The following NOCT variants were observed in gnomAD, a reference collection of about 807,000 sequenced individuals.
NOCT encodes nocturnin.
In NOCT, 18 loss-of-function variants were observed where a neutral mutation model predicts 35.0. The observed-to-expected ratio is 0.51, with a 90% confidence interval of 0.36 to 0.76. The LOEUF is 0.76. NOCT is among the 30% of genes least tolerant of loss of function. NOCT has a pLI of 0.01. For synonymous variants in NOCT, 235 were observed against 226.3 expected (o/e 1.04, Z -0.34); for missense variants, 479 against 541.0 (o/e 0.89, Z 1.14).
rs1726908123 is a variant in NOCT, at chr4:139,045,114, C to G, written c.936C>G (p.Thr312=). 1 of 1,614,040 alleles carries G rather than the reference C, an allele frequency of 6.2e-7. No individual in the cohort carries two copies. The highest frequency in any genetic ancestry group is 8.5e-7 in the Non-Finnish European group (1 of 1,180,032). The change falls in exon 3 of 3, where the codon ACC becomes ACG. Residue 312 remains threonine (T), a synonymous_variant. Coordinates refer to ENST00000280614, the MANE Select transcript of NOCT (RefSeq NM_012118.4). ...CDLLQNLQNI[T]QGAKIPLIVC... ...TCCTTCAGAACCTGCAAAACATCAC[C>G]CAAGGAGCCAAGATTCCCCTTATTG...
chr4:139,034,884 A>G (rs1051106881), intron 1 of NOCT, among the ~76,000 whole-genome samples: 4 of 152,064 alleles, frequency 2.6e-5, no homozygotes, highest in Admixed American at 1.3e-4. Flanking sequence ...TTCTCTGGCC[A>G]TGTCATTTCA....
intron 1 of NOCT, among the ~76,000 whole-genome samples, chr4:139,040,710 A>C (rs1038615968): frequency 6.6e-6 from 1 of 152,210 alleles, no homozygotes; most frequent in Non-Finnish European, 1.5e-5. Flanking sequence ...ACAGGTGTCA[A>C]ACGTCACTGT....
chr4:139,039,166 A>G (rs1578632394), intron 1 of NOCT, among the ~76,000 whole-genome samples: 1 of 146,202 alleles, frequency 6.8e-6, no homozygotes, highest in East Asian at 2.0e-4. Context: ...TGAAGACTCC[A>G]TTTCAAAAAA....
At chr4:139,027,886 AT>A (rs1726553550) in intron 1 of NOCT, among the ~76,000 whole-genome samples, 1 of 151,634 alleles carries the variant, frequency 6.6e-6, no homozygotes, top group Admixed American at 6.6e-5. Flanking sequence ...TCCCCCTACC[AT>A]TTAAAAATAT....
At chr4:139,032,699 T>C (rs1385785728) in intron 1 of NOCT, among the ~76,000 whole-genome samples, 1 of 152,156 alleles carries the variant, frequency 6.6e-6, no homozygotes, top group African/African-American at 2.4e-5. Flanking sequence ...AATTGCCACA[T>C]GGGTAAATTA....
At chr4:139,019,165 C>G (rs1402457618) in intron 1 of NOCT, among the ~76,000 whole-genome samples, 1 of 152,182 alleles carries the variant, frequency 6.6e-6, no homozygotes, top group South Asian at 2.1e-4. Context: ...AAGCAGTTCT[C>G]CTGTCTCAGC....
In NOCT at chr4:139,045,237, T is replaced by G. The variant is rs762981302; in HGVS notation, c.1059T>G (p.Ala353=). 2 of 1,614,038 alleles carry G rather than the reference T, an allele frequency of 1.2e-6. No homozygotes were observed. Among genetic ancestry groups the G allele is most frequent in the Admixed American group, 3.3e-5 (2 of 60,004 alleles). Reference sequence around the variant, plus strand: ...ACAGCGCCTACAAGCTGCTGAGTGCTGATGGGCAGTCAGAACCCCCATACA... The same window carrying G: ...ACAGCGCCTACAAGCTGCTGAGTGCGGATGGGCAGTCAGAACCCCCATACA... ...NLNSAYKLLS[A]DGQSEPPYTT... is the part of the protein sequence containing the mutation. The change falls in exon 3 of 3, where the codon GCT becomes GCG. Residue 353 remains alanine (A), a synonymous_variant. Coordinates refer to ENST00000280614, the MANE Select transcript of NOCT (RefSeq NM_012118.4).
rs137915288 is a variant in NOCT at position 139,045,662 on chromosome 4, G to T, written c.*188G>T. 1,386 of 478,888 alleles carry T rather than the reference G, an allele frequency of 2.9e-3. 8 individuals carry two copies. The highest frequency in any genetic ancestry group is 8.2e-3 in the Admixed American group (215 of 26,180). The allele number at this position is 478,888 out of a possible 1,614,324, so 29.7% of individuals were successfully genotyped here. A position where few individuals can be genotyped will look rare whatever the true frequency, so the allele number is the denominator to read the frequency against. On this transcript the variant is annotated 3_prime_UTR_variant, in exon 3 of 3. Coordinates refer to ENST00000280614, the MANE Select transcript of NOCT (RefSeq NM_012118.4). Reference sequence around the variant, plus strand: ...CTCCAGAGCAACTGGGACAACAGGCGCCCGTCACCACGCCCAGCTAATTTT... The same window carrying T: ...CTCCAGAGCAACTGGGACAACAGGCTCCCGTCACCACGCCCAGCTAATTTT...
At chr4:139,030,625 TC>T (rs1469902085) in intron 1 of NOCT, among the ~76,000 whole-genome samples, 3 of 152,310 alleles carry the variant, frequency 2.0e-5, no homozygotes, top group Middle Eastern at 3.4e-3. Context: ...CTTTATTGAT[TC>T]CTTCAATATA....
At chr4:139,030,408 C>T (rs1726601728) in intron 1 of NOCT, among the ~76,000 whole-genome samples, 1 of 152,120 alleles carries the variant, frequency 6.6e-6, no homozygotes, top group African/African-American at 2.4e-5. Flanking sequence ...CTTTTATTAA[C>T]ATTGTTTAAA....
rs780645746 is a variant in NOCT, at chr4:139,016,151, C to T, written c.170C>T (p.Ala57Val). 7.1e-6 allele frequency: 9 copies of T among 1,271,002 alleles called. No homozygotes were observed. The highest frequency in any genetic ancestry group is 8.9e-6 in the Non-Finnish European group (9 of 1,012,890). 78.7% of individuals were successfully genotyped at this position (1,271,002 alleles called of 1,614,324 possible). A position where few individuals can be genotyped will look rare whatever the true frequency, so the allele number is the denominator to read the frequency against. The change falls in exon 1 of 3, where the codon GCG becomes GTG. Residue 57 changes from alanine (A) to valine (V), a missense_variant. Transcript: ENST00000280614. ...GCGGCCTCGGCGGCCTCGGGCGCCG[C>T]GAGGTCGTGTTCCCGAACAGGTGAG... is the stretch of plus-strand genomic sequence containing the variant. The part of the protein sequence containing the change: ...LAAASAASGA[A>V]RSCSRTVCSM...
intron 1 of NOCT, among the ~76,000 whole-genome samples, chr4:139,028,510 C>T (rs775012498): frequency 2.4e-4 from 36 of 152,202 alleles, no homozygotes; most frequent in Non-Finnish European, 4.8e-4. Context: ...TGTGTGTGTG[C>T]TGTGACGACA....
rs1275529090 is a variant in NOCT at position 139,044,792 on chromosome 4, C to G, written c.614C>G (p.Pro205Arg). The part of the protein sequence containing the change: ...EVDHYFDTFQ[P>R]LLSRLGYQGT... ...GACCACTATTTTGACACCTTCCAGC[C>G]ACTCCTCAGTAGACTAGGCTATCAA... The change falls in exon 3 of 3, where the codon CCA becomes CGA. Residue 205 changes from proline (P) to arginine (R), a missense_variant. By Grantham distance (103) the Pro-to-Arg change is moderately radical (BLOSUM62 -2). This residue lies in a region of NOCT where 214 missense variants were observed against 284.0 expected (regional missense o/e 0.75). Coordinates refer to ENST00000280614, the MANE Select transcript of NOCT (RefSeq NM_012118.4). 1 of 1,614,224 alleles carries G rather than the reference C, an allele frequency of 6.2e-7. No homozygotes were observed. The highest frequency in any genetic ancestry group is 1.1e-5 in the South Asian group (1 of 91,084).
In NOCT at chr4:139,045,452, A is replaced by T; in HGVS notation, c.1274A>T (p.Glu425Val). The T allele has an allele frequency of 6.3e-7, 1 of 1,584,954 alleles. No individual in the cohort carries two copies. Among genetic ancestry groups the T allele is most frequent in the Non-Finnish European group, 8.6e-7 (1 of 1,159,846 alleles). ...CTAGTGTGTGACTTCAGCTTTACTG[A>T]GGAATCTGATGGACTTTCATAAATA... ...LSLVCDFSFT[E>V]ESDGLS is the part of the protein sequence containing the mutation. Residue 425 changes from glutamate to valine, a missense_variant, in exon 3 of 3, where the codon GAG (glutamate) becomes GTG (valine). Glu to Val is a moderately radical substitution (Grantham distance 121). Coordinates refer to ENST00000280614, the MANE Select transcript of NOCT (RefSeq NM_012118.4).
chr4:139,044,789 A>G lies in NOCT; in HGVS notation c.611A>G (p.Gln204Arg), dbSNP rs1163110869. The G allele has an allele frequency of 6.2e-7, 1 of 1,614,084 alleles. No homozygotes were observed. Among genetic ancestry groups the G allele is most frequent in the Non-Finnish European group, 8.5e-7 (1 of 1,180,038 alleles). The change falls in exon 3 of 3, where the codon CAG becomes CGG. Residue 204 changes from glutamine to arginine, a missense_variant. By Grantham distance (43) the Gln-to-Arg change is conservative. Coordinates refer to ENST00000280614, the MANE Select transcript of NOCT (RefSeq NM_012118.4). ...GTGGACCACTATTTTGACACCTTCC[A>G]GCCACTCCTCAGTAGACTAGGCTAT... ...QEVDHYFDTFQPLLSRLGYQG... is the reference protein window; with the variant it reads ...QEVDHYFDTFRPLLSRLGYQG...
intron 2 of NOCT, 176 bp downstream of exon 2, chr4:139,043,519 AC>A: frequency 5.7e-6 from 3 of 521,974 alleles, no homozygotes; most frequent in Admixed American, 3.5e-5. Context: ...TCTGGTTTTC[AC>A]TTTTTTTTTT....
At chr4:139,037,395 G>A (rs771839767) in intron 1 of NOCT, among the ~76,000 whole-genome samples, 20 of 152,296 alleles carry the variant, frequency 1.3e-4, no homozygotes, top group Non-Finnish European at 2.5e-4. Flanking sequence ...TCAAATATGA[G>A]TATAGAAATT....
At chr4:139,024,045 C>CTTTT (rs368349308) in intron 1 of NOCT, among the ~76,000 whole-genome samples, 2 of 130,998 alleles carry the variant, frequency 1.5e-5, no homozygotes. Context: ...TCTATTCATC[C>CTTTT]TTTTTTTTTT....
intron 1 of NOCT, among the ~76,000 whole-genome samples, chr4:139,017,103 T>C (rs1361402174): frequency 1.3e-5 from 2 of 151,912 alleles, no homozygotes; most frequent in African/African-American, 2.4e-5. Context: ...TACCCTGAGT[T>C]TTCCTTTTTT....
Sources: allele counts gnomAD v4.1 joint callset (sites outside exome capture counted in the v4.1 genomes callset), GRCh38; gene constraint gnomAD v4.1.1; regional missense constraint gnomAD v4.1.1; transcripts MANE v1.5; gene names NCBI Gene and HGNC (gene_info 2026-07-23, HGNC 2026-07-21).